The following C2orf42 variants were observed in gnomAD, a reference collection of about 807,000 sequenced individuals.
C2orf42 encodes chromosome 2 open reading frame 42, also known as uncharacterized protein C2orf42.
Under a neutral mutation model 58.9 loss-of-function variants are expected in C2orf42, and 44 were observed. That is an observed-to-expected ratio of 0.75 (90% CI 0.59 to 0.96). The LOEUF is 0.96. C2orf42 is among the 40% of genes least tolerant of loss of function. The pLI, the probability that C2orf42 is intolerant of heterozygous loss-of-function variation, is 0.00. For synonymous variants in C2orf42, 239 were observed against 265.4 expected, an observed-to-expected ratio of 0.90 and a Z score of 0.97; for missense variants, 630 against 699.2, an observed-to-expected ratio of 0.90 and a Z score of 1.12.
chr2:70,158,423 A>ATTATTTATTTAT (rs544757170), intron 9 of C2orf42, among the ~76,000 whole-genome samples: 1 of 151,494 alleles, frequency 6.6e-6, no homozygotes, highest in South Asian at 2.1e-4. Context: ...TATTCCTTTT[A>ATTATTTATTTAT]TTATTTATTT....
intron 1 of C2orf42, among the ~76,000 whole-genome samples, chr2:70,184,477 CTATTTT>C (rs1674791525): frequency 7.5e-6 from 1 of 132,972 alleles, no homozygotes; most frequent in Non-Finnish European, 1.5e-5. Context: ...GTGCCTGGCC[CTATTTT>C]TTTTTTTTTT....
Position 70,181,366 on chromosome 2 carries a change from G to C in C2orf42, c.620C>G (p.Ser207Cys), listed in dbSNP as rs779889295. 6.2e-7 allele frequency: 1 copy of C among 1,614,138 alleles called. No individual in the cohort carries two copies. The highest frequency in any genetic ancestry group is 1.1e-5 in the South Asian group (1 of 91,088). The change falls in exon 3 of 10, where the codon TCT (serine) becomes TGT (cysteine). Residue 207 changes from serine (S) to cysteine (C), a missense_variant. By Grantham distance (112) the Ser-to-Cys change is moderately radical. Transcript: ENST00000264434. ...QKHSLGYLHT[S>C]FVQKVSGKSL... ...TTTGCCACTGACTTTCTGCACAAAA[G>C]ATGTATGCAAATACCCCAAACTGTG...
Position 70,166,222 on chromosome 2 carries a change from T to C in C2orf42, c.1145-587A>G, listed in dbSNP as rs1486447147. The stretch of plus-strand genomic sequence containing the variant: ...TTTTTAAATTAGCCAGGCGTGGTGG[T>C]ATGCACCTGCTGTCCCAGCTACTTG... On this transcript the variant is annotated intron_variant, in intron 6 of 9. Coordinates refer to ENST00000264434, the MANE Select transcript of C2orf42 (RefSeq NM_017880.3). 1.4e-4 allele frequency among the ~76,000 whole-genome samples: 21 copies of C among 149,700 alleles called. 1 individual carries two copies. The highest frequency in any genetic ancestry group is 1.4e-3 in the Admixed American group (21 of 14,974).
Position 70,169,567 on chromosome 2 carries a change from ATAG to A in C2orf42, c.1131_1133del (p.Tyr378del). On this transcript the variant is annotated inframe_deletion, in exon 6 of 10. Transcript: ENST00000264434. ...ATGAACAATACTTACCATCAAACTG[ATAG>A]TGCATGGTTTGATGGATGCGTTCTG... 6.5e-7 allele frequency: 1 copy of A among 1,550,092 alleles called. No homozygotes were observed. Among genetic ancestry groups the A allele is most frequent in the East Asian group, 2.2e-5 (1 of 44,564 alleles).
chr2:70,153,107 G>T (rs1672410648), intron 9 of C2orf42, among the ~76,000 whole-genome samples: 1 of 151,960 alleles, frequency 6.6e-6, no homozygotes, highest in Non-Finnish European at 1.5e-5. Flanking sequence ...AAAGCAATTT[G>T]GGTGTGAGAA....
intron 5 of C2orf42, 46 bp downstream of exon 5, chr2:70,175,627 G>A (rs747089046): frequency 1.8e-6 from 2 of 1,107,376 alleles, no homozygotes; most frequent in Admixed American, 1.7e-5. Flanking sequence ...GCTTCTTTAG[G>A]ATGACTTTCC....
chr2:70,152,238 C>A (rs919619719), intron 9 of C2orf42, among the ~76,000 whole-genome samples: 1 of 152,184 alleles, frequency 6.6e-6, no homozygotes, highest in African/African-American at 2.4e-5. Flanking sequence ...CCACCCCAGA[C>A]TAACAACTTC....
intron 9 of C2orf42, among the ~76,000 whole-genome samples, chr2:70,158,900 CTTTTTT>C (rs34839050): frequency 9.4e-6 from 1 of 106,286 alleles, no homozygotes; most frequent in East Asian, 2.7e-4. Flanking sequence ...CCGAGTATTC[CTTTTTT>C]TTTTTTTTTT....
chr2:70,185,720 A>AATAT (rs1254111161), intron 1 of C2orf42, among the ~76,000 whole-genome samples: 1 of 150,828 alleles, frequency 6.6e-6, no homozygotes, highest in Non-Finnish European at 1.5e-5. Flanking sequence ...CACAAAAAAA[A>AATAT]ATATATATAT....
chr2:70,186,414 T>TG (rs1323325547), intron 1 of C2orf42, among the ~76,000 whole-genome samples: 1 of 145,332 alleles, frequency 6.9e-6, no homozygotes, highest in Non-Finnish European at 1.5e-5. Context: ...CATATCAAAG[T>TG]GGAAAAAAAC....
Position 70,181,251 on chromosome 2 carries a change from G to A in C2orf42, c.735C>T (p.Cys245=). 6.2e-7 allele frequency: 1 copy of A among 1,608,406 alleles called. No individual in the cohort carries two copies. Among genetic ancestry groups the A allele is most frequent in the East Asian group, 2.2e-5 (1 of 44,736 alleles). Residue 245 remains cysteine (C), a synonymous_variant, in exon 3 of 10, where the codon TGC becomes TGT. Coordinates refer to ENST00000264434, the MANE Select transcript of C2orf42 (RefSeq NM_017880.3). ...CACAGATGCAAGCAAAGAAATGAATGCATCTCTGGGCTGTCTCATCCTTGG... is the reference window on the plus strand; with the variant it reads ...CACAGATGCAAGCAAAGAAATGAATACATCTCTGGGCTGTCTCATCCTTGG... ...NASKDETAQR[C]IHFFACICAF... is the part of the protein sequence containing the mutation.
At chr2:70,160,852 G>T in intron 8 of C2orf42, 65 bp from the exon 9 acceptor site, 1 of 977,256 alleles carries the variant, frequency 1.0e-6, no homozygotes, top group Non-Finnish European at 1.5e-6. Context: ...CCAATACCTG[G>T]ATGACGACAA....
chr2:70,181,993 A>T lies in C2orf42; in HGVS notation c.-8T>A, dbSNP rs1240224292. On this transcript the variant is annotated 5_prime_UTR_variant, in exon 3 of 10. Transcript: ENST00000264434. ...CAGAGAATTTGGTTCCATTTTTCAG[A>T]GGCCCTACAAAAGACAATACATCCA... is the stretch of plus-strand genomic sequence containing the variant. 1 of 1,522,032 alleles carries T rather than the reference A, an allele frequency of 6.6e-7. No individual in the cohort carries two copies. Among genetic ancestry groups the T allele is most frequent in the African/African-American group, 1.4e-5 (1 of 72,812 alleles). 94.3% of individuals were successfully genotyped at this position (1,522,032 alleles called of 1,614,324 possible).
At chr2:70,168,993 TGA>T (rs886497774) in intron 6 of C2orf42, among the ~76,000 whole-genome samples, 10 of 152,116 alleles carry the variant, frequency 6.6e-5, no homozygotes, top group African/African-American at 2.2e-4. Flanking sequence ...GGATTACAGG[TGA>T]GAGTCACCAT....
At chr2:70,157,138 A>G (rs1160518614) in intron 9 of C2orf42, among the ~76,000 whole-genome samples, 1 of 152,278 alleles carries the variant, frequency 6.6e-6, no homozygotes, top group East Asian at 1.9e-4. Context: ...TGGCAGGTCA[A>G]AGAGATAACA....
chr2:70,164,006 A>AT (rs111670730), intron 8 of C2orf42, among the ~76,000 whole-genome samples: 315 of 146,100 alleles, frequency 2.2e-3, no homozygotes, highest in Middle Eastern at 3.5e-3. Flanking sequence ...CCTATCTTAA[A>AT]TTTTTTTTTT....
rs539954417 is a variant in C2orf42, at chr2:70,152,606, A to G, written c.1517-2042T>C. Reference sequence around the variant, plus strand: ...CTCTCTCACTGTTTGTGCCCTGGCTAGTACTTGTACAGAGCAGCAAATGAG... The same window carrying G: ...CTCTCTCACTGTTTGTGCCCTGGCTGGTACTTGTACAGAGCAGCAAATGAG... On this transcript the variant is annotated intron_variant, in intron 9 of 9. Coordinates refer to ENST00000264434, the MANE Select transcript of C2orf42 (RefSeq NM_017880.3). 1.2e-4 allele frequency among the ~76,000 whole-genome samples: 19 copies of G among 152,310 alleles called. No individual in the cohort carries two copies. In the South Asian group the frequency reaches 3.9e-3, roughly 32 times the overall value.
chr2:70,153,757 T>C (rs1202377896), intron 9 of C2orf42, among the ~76,000 whole-genome samples: 1 of 150,606 alleles, frequency 6.6e-6, no homozygotes, highest in Non-Finnish European at 1.5e-5. Flanking sequence ...CTGATATATC[T>C]ATCCAAAAGA....
chr2:70,165,809 G>C (rs1340293473), intron 6 of C2orf42, among the ~76,000 whole-genome samples, 174 bp from the exon 7 acceptor site: 1 of 152,118 alleles, frequency 6.6e-6, no homozygotes, highest in Non-Finnish European at 1.5e-5. Context: ...GCCAAGAACT[G>C]TCACTAGTCC....
Sources: gnomAD v4.1 joint callset for allele counts (sites outside exome capture counted in the v4.1 genomes callset) on GRCh38, gnomAD v4.1.1 for gene constraint, MANE v1.5 for transcripts, NCBI Gene and HGNC (gene_info 2026-07-23, HGNC 2026-07-21) for gene names.